KCNQ1: variants seen among roughly 807,000 people sequenced by gnomAD.
KCNQ1 encodes potassium voltage-gated channel subfamily KQT member 1.
A neutral mutation model predicts 72.4 loss-of-function variants in KCNQ1; 49 were observed. That is an observed-to-expected ratio of 0.68 (90% CI 0.54 to 0.86). The LOEUF (loss-of-function observed/expected upper bound fraction) is 0.86. Among genes scored for constraint, KCNQ1 ranks in the 40% least tolerant of loss-of-function variants. The pLI is 0.00. For missense variants in KCNQ1, 790 were observed against 945.1 expected (o/e 0.84, Z 2.15); for synonymous variants, 450 against 412.6 (o/e 1.09, Z -1.10).
At chr11:2,770,527 C>T (rs1846575384) in intron 12 of KCNQ1, among the ~76,000 whole-genome samples, 1 of 152,244 alleles carries the variant, frequency 6.6e-6, no homozygotes, top group African/African-American at 2.4e-5. Context: ...ATGCACAGCC[C>T]TCCCACAGTG....
chr11:2,712,128 C>T lies in KCNQ1; in HGVS notation c.1514+50047C>T, dbSNP rs1313609076. On this transcript the variant is annotated intron_variant, in intron 11 of 15. Transcript: ENST00000155840. This position sits in a 1 kb window ranked among gnomAD's most constrained non-coding sequence, Gnocchi z 6.4. ...CCAAGGAGGTAACGGCTTTCTAGCC[C>T]TTTGGAAACCTGAGTGGGGTTTTGT... 6.6e-6 allele frequency among the ~76,000 whole-genome samples: 1 copy of T among 152,176 alleles called. No individual in the cohort carries two copies. The highest frequency in any genetic ancestry group is 2.4e-5 in the African/African-American group (1 of 41,436).
intron 11 of KCNQ1, among the ~76,000 whole-genome samples, chr11:2,747,422 C>T (rs1846158287): frequency 6.6e-6 from 1 of 152,190 alleles, no homozygotes; most frequent in Non-Finnish European, 1.5e-5. Context: ...GTCCAGCCTT[C>T]TGCTCCTCTG....
In KCNQ1 at chr11:2,464,858, T is replaced by A. The variant is rs1846328993; in HGVS notation, c.386+19374T>A. 6.6e-6 allele frequency among the ~76,000 whole-genome samples: 1 copy of A among 152,088 alleles called. No homozygotes were observed. The highest frequency in any genetic ancestry group is 1.5e-5 in the Non-Finnish European group (1 of 68,006). On this transcript the variant is annotated intron_variant, in intron 1 of 15. Coordinates refer to ENST00000155840, the MANE Select transcript of KCNQ1 (RefSeq NM_000218.3). This position sits in a 1 kb window ranked among gnomAD's most constrained non-coding sequence, Gnocchi z 5.0. ...GCTGGAGTCCACAGGGCGCTTCTCT[T>A]CTCTTTTCCTGTGTGTTAAGGTAGT...
intron 10 of KCNQ1, among the ~76,000 whole-genome samples, chr11:2,594,993 G>A (rs1012036445): frequency 6.6e-6 from 1 of 152,086 alleles, no homozygotes; most frequent in East Asian, 1.9e-4. Flanking sequence ...TCCTGTATAA[G>A]GTACATGCCT....
At chr11:2,513,554 G>A (rs191426424) in intron 1 of KCNQ1, among the ~76,000 whole-genome samples, 5 of 152,306 alleles carry the variant, frequency 3.3e-5, no homozygotes, top group East Asian at 3.9e-4. Context: ...CATCCCTGCC[G>A]TGTTCAGAGT....
chr11:2,535,237 G>A (rs776177330), intron 2 of KCNQ1, among the ~76,000 whole-genome samples: 2 of 152,334 alleles, frequency 1.3e-5, no homozygotes, highest in Admixed American at 6.5e-5. Context: ...TAAGGGTAGC[G>A]AAGGTGAAAG....
intron 10 of KCNQ1, chr11:2,650,149 A>G (rs1166649523): frequency 7.5e-6 from 3 of 397,934 alleles, no homozygotes; most frequent in Non-Finnish European, 1.3e-5. Flanking sequence ...GTTCTTTTTC[A>G]TATCTAACTC....
At chr11:2,699,986 G>A (rs563140602) in intron 11 of KCNQ1, 33 of 398,292 alleles carry the variant, frequency 8.3e-5, no homozygotes, top group African/African-American at 1.6e-4. Flanking sequence ...GCGACGCGGC[G>A]ACCGTTCTGC....
chr11:2,747,888 G>A (rs568111459), intron 11 of KCNQ1, among the ~76,000 whole-genome samples: 10 of 152,182 alleles, frequency 6.6e-5, no homozygotes, highest in Admixed American at 3.9e-4. Context: ...CAGCTTCCCC[G>A]GGCTTTACCA....
rs1383461437 is a variant in KCNQ1, at chr11:2,762,460, G to A, written c.1515-6384G>A. Among the ~76,000 whole-genome samples the A allele has an allele frequency of 2.6e-5, 4 of 152,168 alleles. No individual in the cohort carries two copies. Among genetic ancestry groups the A allele is most frequent in the Non-Finnish European group, 2.9e-5 (2 of 68,034 alleles). ...GTTCCAGCACCCTTTATTGAAAAGCGTATCCTTCCGCCAGCTCGACGGCAA... is the reference window on the plus strand; with the variant it reads ...GTTCCAGCACCCTTTATTGAAAAGCATATCCTTCCGCCAGCTCGACGGCAA... On this transcript the variant is annotated intron_variant, in intron 11 of 15. Coordinates refer to ENST00000155840, the MANE Select transcript of KCNQ1 (RefSeq NM_000218.3). This position sits in a 1 kb window ranked among gnomAD's most constrained non-coding sequence, Gnocchi z 4.3.
At chr11:2,660,903 A>G (rs1185298187) in intron 10 of KCNQ1, 2 of 398,560 alleles carry the variant, frequency 5.0e-6, no homozygotes, top group Admixed American at 4.4e-5. Context: ...ATAATTAAGC[A>G]GCTTAAAACT....
rs1162709272 is a variant in KCNQ1 at position 2,698,244 on chromosome 11, G to A, written c.1514+36163G>A. The A allele has an allele frequency of 2.5e-6, 1 of 398,490 alleles. No individual in the cohort carries two copies. The highest frequency in any genetic ancestry group is 4.4e-6 in the Non-Finnish European group (1 of 226,066). 24.7% of individuals were successfully genotyped at this position (398,490 alleles called of 1,614,324 possible). A position where few individuals can be genotyped will look rare whatever the true frequency, so the allele number is the denominator to read the frequency against. On this transcript the variant is annotated intron_variant, in intron 11 of 15. Coordinates refer to ENST00000155840, the MANE Select transcript of KCNQ1 (RefSeq NM_000218.3). This position sits in a 1 kb window ranked among gnomAD's most constrained non-coding sequence, Gnocchi z 5.1. ...ATCAAATGTGGATATTATCAGGAAA[G>A]TTTTTATACTTTGTGATAATCTAAG...
rs777347006 is a variant in KCNQ1, at chr11:2,588,713, G to A, written c.1252G>A (p.Val418Ile). ...PSPKPKKSVVVKKKKFKLDKD... is the reference protein window; with the variant it reads ...PSPKPKKSVVIKKKKFKLDKD... ...TAATCTGTTGTCTTGTTTTTTTTAG[G>A]TAAAGAAAAAAAAGTTCAAGCTGGA... The change falls in exon 10 of 16, where the codon GTA becomes ATA. Residue 418 changes from valine (V) to isoleucine (I), a missense_variant and splice_region_variant. This residue lies in a region of KCNQ1 where 178 missense variants were observed against 177.9 expected (regional missense o/e 1.00). Coordinates refer to ENST00000155840, the MANE Select transcript of KCNQ1 (RefSeq NM_000218.3). This position sits in a 1 kb window ranked among gnomAD's most constrained non-coding sequence, Gnocchi z 5.6. The A allele has an allele frequency of 1.9e-5, 31 of 1,613,194 alleles. No individual in the cohort carries two copies. In the Admixed American group the frequency reaches 5.0e-4, roughly 26 times the overall value.
Position 2,617,003 on chromosome 11 carries a change from A to G in KCNQ1, c.1393+28149A>G, listed in dbSNP as rs1318108471. The G allele has an allele frequency of 1.0e-5, 4 of 397,930 alleles. No individual in the cohort carries two copies. The highest frequency in any genetic ancestry group is 1.3e-5 in the Non-Finnish European group (3 of 225,818). The allele number at this position is 397,930 out of a possible 1,614,324, so 24.6% of individuals were successfully genotyped here. On this transcript the variant is annotated intron_variant, in intron 10 of 15. Transcript: ENST00000155840. The surrounding 1 kb of genome is among the most constrained non-coding windows in gnomAD (Gnocchi z 4.6). ...TTTTAAAAATATGCATATTTAGTGT[A>G]TAAAACATACAGTTAAATCGTTAAC... is the stretch of plus-strand genomic sequence containing the variant.
intron 2 of KCNQ1, among the ~76,000 whole-genome samples, chr11:2,546,448 T>C (rs1847903496): frequency 6.6e-6 from 1 of 152,210 alleles, no homozygotes; most frequent in South Asian, 2.1e-4. Context: ...TCAATGAGAC[T>C]AATGTGGTTG....
intron 1 of KCNQ1, among the ~76,000 whole-genome samples, chr11:2,480,465 T>C (rs1198785698): frequency 6.6e-6 from 1 of 152,048 alleles, no homozygotes; most frequent in East Asian, 1.9e-4. Context: ...GTGCAAGGGG[T>C]TCCCCCTTAT....
At position 2,781,337 on chromosome 11, in the gene KCNQ1, G is replaced by C. The variant is rs532730622; in HGVS notation, c.1794+3300G>C. Reference sequence around the variant, plus strand: ...CCAAGGAGGACACAGACAGGGGTGGGAGATGAGGTAGAGAGAGCAAGGAGG... The same window carrying C: ...CCAAGGAGGACACAGACAGGGGTGGCAGATGAGGTAGAGAGAGCAAGGAGG... On this transcript the variant is annotated intron_variant, in intron 15 of 15. Coordinates refer to ENST00000155840, the MANE Select transcript of KCNQ1 (RefSeq NM_000218.3). This position sits in a 1 kb window ranked among gnomAD's most constrained non-coding sequence, Gnocchi z 6.6. Among the ~76,000 whole-genome samples the C allele has an allele frequency of 5.3e-5, 8 of 152,306 alleles. No individual in the cohort carries two copies. Among genetic ancestry groups the C allele is most frequent in the African/African-American group, 1.7e-4 (7 of 41,566 alleles).
intron 11 of KCNQ1, among the ~76,000 whole-genome samples, chr11:2,755,995 C>T (rs1419402225): frequency 6.6e-6 from 1 of 152,164 alleles, no homozygotes; most frequent in African/African-American, 2.4e-5. Context: ...CCATTTACAC[C>T]ACTCCATTGG....
chr11:2,533,480 G>A, intron 2 of KCNQ1, among the ~76,000 whole-genome samples: 1 of 152,258 alleles, frequency 6.6e-6, no homozygotes, highest in East Asian at 1.9e-4. Flanking sequence ...GGCTGTGTGT[G>A]CACGTGTGTA....
Sources: allele counts gnomAD v4.1 joint callset (sites outside exome capture counted in the v4.1 genomes callset), GRCh38; gene constraint gnomAD v4.1.1; regional missense constraint gnomAD v4.1.1; non-coding constraint Gnocchi (gnomAD v3.1); transcripts MANE v1.5; gene names NCBI Gene and HGNC (gene_info 2026-07-23, HGNC 2026-07-21).